Variants in WWOX observed in about 807,000 individuals in gnomAD.
The protein encoded by WWOX is WW domain-containing oxidoreductase.
A neutral mutation model predicts 46.2 loss-of-function variants in WWOX; 69 were observed. The observed-to-expected ratio is 1.49, with a 90% CI of 1.23 to 1.82. The LOEUF (loss-of-function observed/expected upper bound fraction) is 1.82. Ranked by LOEUF, WWOX falls within the 40% of genes most tolerant of loss-of-function variation. WWOX has a pLI of 0.00. For synonymous variants in WWOX, 359 were observed against 202.6 expected (o/e 1.77, Z -6.56); for missense variants, 919 against 542.6 (o/e 1.69, Z -6.89).
chr16:78,742,954 G>C (rs539842572), intron 8 of WWOX, among the ~76,000 whole-genome samples: 98 of 152,228 alleles, frequency 6.4e-4, no homozygotes, highest in African/African-American at 2.3e-3. Flanking sequence ...TTGTGGAAGA[G>C]TAAGAGGGGC....
At chr16:78,792,139 C>T (rs1329064888) in intron 8 of WWOX, among the ~76,000 whole-genome samples, 3 of 152,096 alleles carry the variant, frequency 2.0e-5, no homozygotes, top group Non-Finnish European at 4.4e-5. Context: ...CACAAACCAC[C>T]ATTAGACCTC....
chr16:78,459,844 C>T (rs4605178), intron 8 of WWOX, among the ~76,000 whole-genome samples: 4,995 of 148,992 alleles, frequency 0.034, 274 homozygotes, highest in South Asian at 0.2. Flanking sequence ...GTCTGTCACC[C>T]AGGCTGCTGG....
At chr16:78,731,845 C>CTT (rs200790501) in intron 8 of WWOX, among the ~76,000 whole-genome samples, 23 of 129,104 alleles carry the variant, frequency 1.8e-4, no homozygotes, top group Admixed American at 2.8e-4. Flanking sequence ...TTTTCTTTCT[C>CTT]TTTTTTTTTT....
At chr16:78,629,507 T>G (rs2046380113) in intron 8 of WWOX, among the ~76,000 whole-genome samples, 1 of 152,208 alleles carries the variant, frequency 6.6e-6, no homozygotes. Flanking sequence ...TGCCACTCCC[T>G]GCTTAATCCC....
At chr16:78,864,753 C>A (rs1319652012) in intron 8 of WWOX, among the ~76,000 whole-genome samples, 18 of 118,602 alleles carry the variant, frequency 1.5e-4, no homozygotes, top group African/African-American at 6.3e-4. Context: ...TTCTCCAACT[C>A]CTTTTTTTTT....
chr16:79,044,892 T>A (rs2048037284), intron 8 of WWOX, among the ~76,000 whole-genome samples: 1 of 152,144 alleles, frequency 6.6e-6, no homozygotes, highest in South Asian at 2.1e-4. Flanking sequence ...TCCTCCCCTG[T>A]GTAGAATGAG....
Position 78,482,502 on chromosome 16 carries a change from C to T in WWOX, c.1056+49750C>T, listed in dbSNP as rs191629617. 8.8e-3 allele frequency among the ~76,000 whole-genome samples: 1,333 copies of T among 152,234 alleles called. 16 individuals carry two copies. The highest frequency in any genetic ancestry group is 9.6e-3 in the Non-Finnish European group (650 of 68,008). On this transcript the variant is annotated intron_variant, in intron 8 of 8. Transcript: ENST00000566780. ...CCTCCGAAAGTGCTGGGATGACAGG[C>T]GTGAGCTGCCTTGCCTAGCCAAATA... is the stretch of plus-strand genomic sequence containing the variant.
intron 8 of WWOX, among the ~76,000 whole-genome samples, chr16:78,793,318 C>T (rs1295699532): frequency 1.3e-5 from 2 of 152,322 alleles, no homozygotes; most frequent in East Asian, 3.9e-4. Flanking sequence ...GCCTCAGCCT[C>T]CCAGAGTGCT....
intron 4 of WWOX, among the ~76,000 whole-genome samples, chr16:78,121,279 A>G (rs918067012): frequency 1.3e-5 from 2 of 152,324 alleles, no homozygotes; most frequent in African/African-American, 4.8e-5. Flanking sequence ...GCCTACTATT[A>G]TCTTATGCTA....
At chr16:78,866,342 G>C (rs779117898) in intron 8 of WWOX, among the ~76,000 whole-genome samples, 1 of 152,106 alleles carries the variant, frequency 6.6e-6, no homozygotes, top group Non-Finnish European at 1.5e-5. Context: ...CTGGGGGACT[G>C]AGACATGATT....
intron 8 of WWOX, among the ~76,000 whole-genome samples, chr16:78,809,080 A>AGGACACAC (rs763598382): frequency 6.6e-6 from 1 of 152,000 alleles, no homozygotes; most frequent in African/African-American, 2.4e-5. Flanking sequence ...AGAAACACTG[A>AGGACACAC]GGACACACGG....
intron 8 of WWOX, among the ~76,000 whole-genome samples, chr16:79,109,072 T>C (rs74525610): frequency 8.8e-4 from 134 of 152,206 alleles, no homozygotes; most frequent in African/African-American, 3.1e-3. Context: ...TCCGTGAGCA[T>C]GTGTGTGTGC....
At chr16:78,394,918 G>C (rs568943894) in intron 6 of WWOX, among the ~76,000 whole-genome samples, 74 of 152,240 alleles carry the variant, frequency 4.9e-4, no homozygotes, top group Non-Finnish European at 9.0e-4. Flanking sequence ...TGTGGCTTTG[G>C]GCAAACTACT....
intron 8 of WWOX, among the ~76,000 whole-genome samples, chr16:78,669,879 C>T (rs915505626): frequency 3.9e-5 from 6 of 152,130 alleles, no homozygotes; most frequent in African/African-American, 4.8e-5. Context: ...TTTCTCTCCA[C>T]GTTACGTTTT....
At chr16:78,307,587 C>T (rs957271887) in intron 5 of WWOX, among the ~76,000 whole-genome samples, 1 of 152,080 alleles carries the variant, frequency 6.6e-6, no homozygotes, top group Non-Finnish European at 1.5e-5. Flanking sequence ...GTGCTGACAC[C>T]TTGATTTTTT....
Position 79,047,756 on chromosome 16 carries a change from G to T in WWOX, c.1057-163852G>T, listed in dbSNP as rs571315684. ...TGGAAGGTAACGTCACAGGGCAGCT[G>T]TATTCCAGGTACTTGGTGACTCTTG... On this transcript the variant is annotated intron_variant, in intron 8 of 8. Coordinates refer to ENST00000566780, the MANE Select transcript of WWOX (RefSeq NM_016373.4). Among the ~76,000 whole-genome samples the T allele has an allele frequency of 1.5e-5, 2 of 137,192 alleles. 1 individual carries two copies. The highest frequency in any genetic ancestry group is 4.6e-4 in the South Asian group (2 of 4,322). 90.0% of individuals were successfully genotyped at this position (137,192 alleles called of 152,430 possible).
intron 8 of WWOX, among the ~76,000 whole-genome samples, chr16:79,143,179 A>G (rs1198439843): frequency 1.5e-4 from 23 of 152,146 alleles, no homozygotes; most frequent in Admixed American, 1.5e-3. Context: ...GTAGCTGCAG[A>G]TTTTATAGTT....
chr16:78,812,184 A>G (rs2051207230), intron 8 of WWOX, among the ~76,000 whole-genome samples: 1 of 152,006 alleles, frequency 6.6e-6, no homozygotes, highest in African/African-American at 2.4e-5. Context: ...CTAACTTGGC[A>G]CTGTATCTGC....
rs143863349 is a variant in WWOX at position 78,747,802 on chromosome 16, A to G, written c.1056+315050A>G. On this transcript the variant is annotated intron_variant, in intron 8 of 8. Transcript: ENST00000566780. ...CAGAGCATGGATTGCTCAACATACC[A>G]GAGTTTAGTCCTACCTCTGTCTCCA... Among the ~76,000 whole-genome samples the G allele has an allele frequency of 2.5e-3, 378 of 152,314 alleles. 4 individuals carry two copies. The highest frequency in any genetic ancestry group is 8.2e-3 in the African/African-American group (342 of 41,576).
Sources: allele counts gnomAD v4.1 joint callset (sites outside exome capture counted in the v4.1 genomes callset), GRCh38; gene constraint gnomAD v4.1.1; transcripts MANE v1.5; gene names NCBI Gene and HGNC (gene_info 2026-07-23, HGNC 2026-07-21).